The following GRID1 variants were observed in gnomAD, a reference collection of about 807,000 sequenced individuals.
GRID1 encodes the protein glutamate ionotropic receptor delta type subunit 1.
A neutral mutation model predicts 98.0 loss-of-function variants in GRID1; 28 were observed. That is an observed-to-expected ratio of 0.29 (90% confidence interval 0.21 to 0.39). The LOEUF (loss-of-function observed/expected upper bound fraction) is 0.39. GRID1 is among the 10% of genes least tolerant of loss of function. The probability of loss-of-function intolerance (pLI) is 1.00; values close to 1 mark genes in which losing one functional copy is unlikely to be tolerated. For synonymous variants in GRID1, 553 were observed against 538.5 expected, an observed-to-expected ratio of 1.03 and a Z score of -0.37; for missense variants, 1,111 against 1,340.5, an observed-to-expected ratio of 0.83 and a Z score of 2.67.
At chr10:85,750,956 T>C (rs886102566) in intron 8 of GRID1, among the ~76,000 whole-genome samples, 3 of 152,168 alleles carry the variant, frequency 2.0e-5, no homozygotes, top group Admixed American at 6.5e-5. Context: ...CATTAGAAAA[T>C]ATTATGACCC....
chr10:86,203,478 G>T (rs76326068), intron 3 of GRID1, among the ~76,000 whole-genome samples: 1 of 147,530 alleles, frequency 6.8e-6, no homozygotes, highest in South Asian at 2.1e-4. Context: ...GTTGGAAATG[G>T]GCAGCAGCTG....
chr10:85,912,996 A>G (rs933514009), intron 5 of GRID1, among the ~76,000 whole-genome samples: 2 of 152,218 alleles, frequency 1.3e-5, no homozygotes, highest in African/African-American at 4.8e-5. Flanking sequence ...AACCGGAAAC[A>G]GTAGTCCTGA....
chr10:85,957,439 T>C (rs1842209251), intron 4 of GRID1, among the ~76,000 whole-genome samples: 1 of 152,176 alleles, frequency 6.6e-6, no homozygotes, highest in African/African-American at 2.4e-5. Context: ...AGGTTAGGTC[T>C]TGGTGTTCCC....
chr10:86,072,562 A>G (rs1843819609), intron 4 of GRID1, among the ~76,000 whole-genome samples: 1 of 152,252 alleles, frequency 6.6e-6, no homozygotes, highest in Admixed American at 6.5e-5. Context: ...AGGTAATTAA[A>G]GATAGCAGTA....
chr10:86,260,536 G>C (rs1847000451), intron 2 of GRID1, among the ~76,000 whole-genome samples: 1 of 152,182 alleles, frequency 6.6e-6, no homozygotes, highest in Admixed American at 6.5e-5. Context: ...GGTCCTCATA[G>C]GGATGCAGAC....
chr10:86,163,885 A>AC (rs1589393615), intron 3 of GRID1, among the ~76,000 whole-genome samples: 1 of 151,250 alleles, frequency 6.6e-6, no homozygotes, highest in Admixed American at 6.6e-5. Flanking sequence ...GTGGCCCAGC[A>AC]CCCCCCGCTG....
At chr10:85,784,033 G>A (rs1842404313) in intron 8 of GRID1, among the ~76,000 whole-genome samples, 1 of 152,110 alleles carries the variant, frequency 6.6e-6, no homozygotes, top group Non-Finnish European at 1.5e-5. Context: ...CCTAGGTGGG[G>A]CTGTGATGTA....
intron 4 of GRID1, among the ~76,000 whole-genome samples, chr10:85,986,811 G>C (rs1475914234): frequency 6.6e-6 from 1 of 152,194 alleles, no homozygotes; most frequent in Non-Finnish European, 1.5e-5. Context: ...TACTGCAAAG[G>C]ACAGCACAGA....
At chr10:86,072,697 T>A (rs1843821852) in intron 4 of GRID1, among the ~76,000 whole-genome samples, 1 of 152,204 alleles carries the variant, frequency 6.6e-6, no homozygotes, top group Non-Finnish European at 1.5e-5. Flanking sequence ...CAGCTTTTCT[T>A]CATGGGTTTT....
At chr10:85,650,631 G>A (rs917507586) in intron 12 of GRID1, among the ~76,000 whole-genome samples, 2 of 152,190 alleles carry the variant, frequency 1.3e-5, no homozygotes, top group African/African-American at 4.8e-5. Flanking sequence ...CTGTATGGGG[G>A]ATCCCAGAAG....
At chr10:85,706,610 A>G (rs942810469) in intron 12 of GRID1, among the ~76,000 whole-genome samples, 6 of 152,170 alleles carry the variant, frequency 3.9e-5, no homozygotes, top group Non-Finnish European at 5.9e-5. Flanking sequence ...GGAAAAAACT[A>G]CTTTAAAGTT....
At chr10:85,624,091 T>C (rs1003513709) in intron 13 of GRID1, among the ~76,000 whole-genome samples, 1 of 152,138 alleles carries the variant, frequency 6.6e-6, no homozygotes, top group Non-Finnish European at 1.5e-5. Flanking sequence ...TACTTACAGG[T>C]GGCTGTGGGG....
At chr10:85,830,063 AC>A (rs1564603529) in intron 8 of GRID1, among the ~76,000 whole-genome samples, 1 of 152,222 alleles carries the variant, frequency 6.6e-6, no homozygotes, top group African/African-American at 2.4e-5. Flanking sequence ...AAACTATACT[AC>A]AAGGCTACAG....
In GRID1 at chr10:86,287,224, T is replaced by G. The variant is rs546897799; in HGVS notation, c.235+76717A>C. 1.2e-4 allele frequency among the ~76,000 whole-genome samples: 19 copies of G among 152,268 alleles called. No homozygotes were observed. In the South Asian group the frequency reaches 3.9e-3, roughly 32 times the overall value. Reference sequence around the variant, plus strand: ...GACCAGACAGAAAGCAACCTTGTCATATGAGAAGCCTGAACTGCAGTCCCC... The same window carrying G: ...GACCAGACAGAAAGCAACCTTGTCAGATGAGAAGCCTGAACTGCAGTCCCC... On this transcript the variant is annotated intron_variant, in intron 2 of 15. Transcript: ENST00000327946.
chr10:85,954,206 T>C (rs557671926), intron 4 of GRID1, among the ~76,000 whole-genome samples: 2 of 152,328 alleles, frequency 1.3e-5, no homozygotes, highest in Admixed American at 1.3e-4. Context: ...TTAATGAAGA[T>C]AGTACCTGGA....
At chr10:85,615,564 G>A (rs574933101) in intron 14 of GRID1, among the ~76,000 whole-genome samples, 2 of 152,350 alleles carry the variant, frequency 1.3e-5, no homozygotes, top group South Asian at 2.1e-4. Flanking sequence ...TGATCAGCAT[G>A]TAAGACACAG....
chr10:85,676,632 C>T (rs1281525448), intron 12 of GRID1, among the ~76,000 whole-genome samples: 1 of 152,124 alleles, frequency 6.6e-6, no homozygotes, highest in East Asian at 1.9e-4. Flanking sequence ...CTGCCCTAGC[C>T]CTAGAACAGC....
chr10:86,009,537 G>A (rs1842902046), intron 4 of GRID1, among the ~76,000 whole-genome samples: 1 of 152,194 alleles, frequency 6.6e-6, no homozygotes, highest in African/African-American at 2.4e-5. Context: ...CCACGCTGTT[G>A]AAGATGGATA....
intron 15 of GRID1, among the ~76,000 whole-genome samples, chr10:85,605,116 C>T (rs1842642007): frequency 6.6e-6 from 1 of 152,212 alleles, no homozygotes; most frequent in South Asian, 2.1e-4. Flanking sequence ...TTCTGGGCCT[C>T]CAGACAAGCC....
Sources: gnomAD v4.1 joint callset for allele counts (sites outside exome capture counted in the v4.1 genomes callset) on GRCh38, gnomAD v4.1.1 for gene constraint, MANE v1.5 for transcripts, NCBI Gene and HGNC (gene_info 2026-07-23, HGNC 2026-07-21) for gene names.